Variants in NRXN3 observed in about 807,000 individuals in gnomAD.
NRXN3 encodes the protein neurexin III.
In NRXN3, 32 loss-of-function variants were observed where a neutral mutation model predicts 137.6. That is an observed-to-expected ratio of 0.23 (90% CI 0.18 to 0.31). NRXN3 has a LOEUF of 0.31. Among genes scored for constraint, NRXN3 ranks in the 10% least tolerant of loss-of-function variants. NRXN3 has a pLI of 1.00. For missense variants in NRXN3, 1,574 were observed against 2,062.5 expected (o/e 0.76, Z 4.59); for synonymous variants, 798 against 784.5 (o/e 1.02, Z -0.29).
chr14:79,358,613 G>GAT (rs1566902409), intron 15 of NRXN3, among the ~76,000 whole-genome samples: 5 of 129,064 alleles, frequency 3.9e-5, no homozygotes, highest in Non-Finnish European at 6.5e-5. Context: ...GAAAGAGAAA[G>GAT]AAAGAAAGAA....
At chr14:78,807,315 C>A (rs2098878349) in intron 9 of NRXN3, among the ~76,000 whole-genome samples, 1 of 152,172 alleles carries the variant, frequency 6.6e-6, no homozygotes, top group Non-Finnish European at 1.5e-5. Context: ...TTTGAATTCT[C>A]CAGATGTTCT....
intron 4 of NRXN3, among the ~76,000 whole-genome samples, chr14:78,444,249 A>G (rs1362002585): frequency 1.3e-5 from 2 of 152,192 alleles, no homozygotes; most frequent in Non-Finnish European, 2.9e-5. Context: ...TCCCCATTTT[A>G]CAGATGAGGA....
At chr14:78,484,449 G>A (rs2095529308) in intron 4 of NRXN3, among the ~76,000 whole-genome samples, 1 of 152,130 alleles carries the variant, frequency 6.6e-6, no homozygotes, top group South Asian at 2.1e-4. Flanking sequence ...TTGTGCTCCT[G>A]GGCAGTTATC....
chr14:79,408,962 C>G (rs146436868), intron 15 of NRXN3, among the ~76,000 whole-genome samples: 1 of 152,160 alleles, frequency 6.6e-6, no homozygotes, highest in East Asian at 1.9e-4. Context: ...AGCACTCCTA[C>G]TGGCCATTAG....
chr14:79,780,160 GA>G lies in NRXN3; in HGVS notation c.4015-24940del, dbSNP rs565427111. Among the ~76,000 whole-genome samples, 195 of 145,150 alleles carry G rather than the reference GA, an allele frequency of 1.3e-3. 1 individual carries two copies. The highest frequency in any genetic ancestry group is 3.0e-3 in the South Asian group (14 of 4,596). ...TCCACAAGTACCTCTGGCCTTTGGG[GA>G]AAAAAAAAAAATTCACAGATGCTTT... On this transcript the variant is annotated intron_variant, in intron 19 of 20. Transcript: ENST00000335750.
chr14:78,233,147 G>A (rs7145062), intron 1 of NRXN3, among the ~76,000 whole-genome samples: 38,045 of 151,946 alleles, frequency 0.25, 4,856 homozygotes, highest in East Asian at 0.3. Context: ...TGGTAAGAGG[G>A]CATGATTATT....
At chr14:78,432,988 G>A (rs1446385694) in intron 4 of NRXN3, among the ~76,000 whole-genome samples, 9 of 152,260 alleles carry the variant, frequency 5.9e-5, no homozygotes, top group African/African-American at 1.7e-4. Flanking sequence ...AACAAGATAC[G>A]TTTATTAGCT....
intron 4 of NRXN3, among the ~76,000 whole-genome samples, chr14:78,372,302 T>C (rs1164899423): frequency 1.3e-5 from 2 of 151,716 alleles, no homozygotes; most frequent in Non-Finnish European, 2.9e-5. Flanking sequence ...TCTTTTTTTT[T>C]TTAATTTTAT....
intron 16 of NRXN3, among the ~76,000 whole-genome samples, chr14:79,482,638 C>T (rs764775472): frequency 9.9e-5 from 15 of 152,048 alleles, no homozygotes; most frequent in East Asian, 1.9e-4. Flanking sequence ...CTACATTTCA[C>T]AGACAACAAA....
At chr14:78,943,028 A>G (rs1319066857) in intron 10 of NRXN3, among the ~76,000 whole-genome samples, 1 of 152,202 alleles carries the variant, frequency 6.6e-6, no homozygotes, top group African/African-American at 2.4e-5. Flanking sequence ...TTTGAAATAG[A>G]AAAACAGAGC....
intron 15 of NRXN3, among the ~76,000 whole-genome samples, chr14:79,030,842 G>A (rs944610339): frequency 6.6e-6 from 1 of 151,370 alleles, no homozygotes; most frequent in African/African-American, 2.4e-5. Context: ...CTCCCCAGTC[G>A]CTATCATCCT....
intron 15 of NRXN3, among the ~76,000 whole-genome samples, chr14:79,458,492 T>C (rs2096284995): frequency 6.6e-6 from 1 of 152,178 alleles, no homozygotes; most frequent in Non-Finnish European, 1.5e-5. Context: ...CGTGAAGATA[T>C]GTAAGCATAG....
At chr14:78,558,867 G>T (rs1167803052) in intron 4 of NRXN3, among the ~76,000 whole-genome samples, 1 of 152,168 alleles carries the variant, frequency 6.6e-6, no homozygotes, top group Non-Finnish European at 1.5e-5. Context: ...CTACATTATT[G>T]TTTCTTAATC....
At chr14:78,550,192 G>GCCTGAC (rs1600306306) in intron 4 of NRXN3, among the ~76,000 whole-genome samples, 1 of 151,934 alleles carries the variant, frequency 6.6e-6, no homozygotes, top group Admixed American at 6.6e-5. Flanking sequence ...GTGCCACCAC[G>GCCTGAC]CCTGGCTAAA....
chr14:79,533,675 G>T (rs368836302), intron 16 of NRXN3, among the ~76,000 whole-genome samples: 4 of 152,214 alleles, frequency 2.6e-5, no homozygotes, highest in Non-Finnish European at 5.9e-5. Context: ...CATATTGATT[G>T]TCTGGGGTAA....
intron 15 of NRXN3, among the ~76,000 whole-genome samples, chr14:79,372,740 T>G (rs1257358431): frequency 1.3e-5 from 2 of 152,094 alleles, no homozygotes; most frequent in African/African-American, 4.8e-5. Context: ...AAATAAAACA[T>G]TACTGGGAAG....
intron 1 of NRXN3, among the ~76,000 whole-genome samples, chr14:78,186,080 A>G (rs2060204166): frequency 6.6e-6 from 1 of 152,202 alleles, no homozygotes; most frequent in South Asian, 2.1e-4. Flanking sequence ...CACTGGCTCT[A>G]CTGTCTCAGC....
chr14:79,171,188 T>G (rs574486646), intron 15 of NRXN3, among the ~76,000 whole-genome samples: 1 of 152,098 alleles, frequency 6.6e-6, no homozygotes, highest in East Asian at 1.9e-4. Flanking sequence ...TAACCTTAAT[T>G]AAATCTTTAC....
chr14:79,188,220 C>A (rs997277647), intron 15 of NRXN3, among the ~76,000 whole-genome samples: 1 of 152,066 alleles, frequency 6.6e-6, no homozygotes, highest in African/African-American at 2.4e-5. Context: ...ACCTTTATTG[C>A]AATTTGGTGG....
Sources: gnomAD v4.1 joint callset for allele counts (sites outside exome capture counted in the v4.1 genomes callset) on GRCh38, gnomAD v4.1.1 for gene constraint, MANE v1.5 for transcripts, NCBI Gene and HGNC (gene_info 2026-07-23, HGNC 2026-07-21) for gene names.